PIWIL2: variants seen among roughly 807,000 people sequenced by gnomAD.
PIWIL2 encodes the protein piwi like RNA-mediated gene silencing 2, also known as piwi-like protein 2.
In PIWIL2, 81 loss-of-function variants were observed where a neutral mutation model predicts 116.5. The ratio of observed to expected loss-of-function variants is 0.70; its 90% CI spans 0.58 to 0.84. The LOEUF (loss-of-function observed/expected upper bound fraction) is 0.84, where lower values mean the gene tolerates loss of function less well. Ranked by LOEUF, PIWIL2 falls within the 40% of genes least tolerant of loss-of-function variation. The pLI is 0.00. For missense variants in PIWIL2, 1,272 were observed against 1,212.3 expected, an observed-to-expected ratio of 1.05 and a Z score of -0.73; for synonymous variants, 489 against 429.5, an observed-to-expected ratio of 1.14 and a Z score of -1.71.
chr8:22,298,261 A>T (rs1037729660), intron 10 of PIWIL2, among the ~76,000 whole-genome samples: 11 of 147,086 alleles, frequency 7.5e-5, no homozygotes, highest in East Asian at 5.9e-4. Flanking sequence ...GACCCTATTT[A>T]AAAAAAAAAA....
At position 22,316,272 on chromosome 8, in the gene PIWIL2, G is replaced by A. The variant is rs763501428; in HGVS notation, c.2236G>A (p.Val746Ile). Residue 746 changes from valine to isoleucine, a missense_variant, in exon 19 of 23, where the codon GTT becomes ATT. Val to Ile is a conservative substitution (Grantham distance 29, BLOSUM62 3). Coordinates refer to ENST00000356766, the MANE Select transcript of PIWIL2 (RefSeq NM_018068.5). ...ACAGTTAATGGTGATCGGGATGGATGTTTACCATGACCCCAGTAGAGGCAT... is the reference window on the plus strand; with the variant it reads ...ACAGTTAATGGTGATCGGGATGGATATTTACCATGACCCCAGTAGAGGCAT... ...LKQLMVIGMD[V>I]YHDPSRGMRS... is the part of the protein sequence containing the mutation. 16 of 1,613,324 alleles carry A rather than the reference G, an allele frequency of 9.9e-6. No homozygotes were observed. In the Middle Eastern group the frequency reaches 1.7e-3, roughly 166 times the overall value.
In PIWIL2 at chr8:22,290,273, A is replaced by G; in HGVS notation, c.1108A>G (p.Thr370Ala). The G allele has an allele frequency of 6.2e-7, 1 of 1,612,082 alleles. No individual in the cohort carries two copies. Among genetic ancestry groups the G allele is most frequent in the Non-Finnish European group, 8.5e-7 (1 of 1,178,288 alleles). The change falls in exon 10 of 23, where the codon ACA becomes GCA. Residue 370 changes from threonine to alanine, a missense_variant. Coordinates refer to ENST00000356766, the MANE Select transcript of PIWIL2 (RefSeq NM_018068.5). ...WPGYAASIRR[T>A]DGGLFLLADV... ...AGGCTATGCAGCTAGCATCCGAAGG[A>G]CAGATGGAGGGCTCTTCCTGCTAGC...
rs1210402483 is a variant in PIWIL2, at chr8:22,315,091, A to T, written c.2154A>T (p.Leu718Phe). The change falls in exon 18 of 23, where the codon TTA becomes TTT. Residue 718 changes from leucine (L) to phenylalanine (F), a missense_variant. Leu to Phe is a conservative substitution (Grantham distance 22, BLOSUM62 0). Transcript: ENST00000356766. Reference sequence around the variant, plus strand: ...TTCGGAGTGTGGCCCAGAAGATTTTACTTCAGATTAACTGTAAATTGGGTG... The same window carrying T: ...TTCGGAGTGTGGCCCAGAAGATTTTTCTTCAGATTAACTGTAAATTGGGTG... The part of the protein sequence containing the change: ...TRLRSVAQKI[L>F]LQINCKLGGE... 2 of 1,613,460 alleles carry T rather than the reference A, an allele frequency of 1.2e-6. No individual in the cohort carries two copies. Among genetic ancestry groups the T allele is most frequent in the African/African-American group, 2.7e-5 (2 of 74,880 alleles).
intron 1 of PIWIL2, among the ~76,000 whole-genome samples, chr8:22,278,133 A>G (rs375910564): frequency 1.3e-5 from 2 of 151,884 alleles, no homozygotes; most frequent in African/African-American, 4.8e-5. Context: ...GCACCATTGC[A>G]CTCCAGCCTT....
chr8:22,291,446 C>T (rs995211125), intron 10 of PIWIL2, among the ~76,000 whole-genome samples: 7 of 152,142 alleles, frequency 4.6e-5, no homozygotes, highest in African/African-American at 1.7e-4. Flanking sequence ...CCACCGTGCC[C>T]AGCCAGATGT....
chr8:22,349,409 A>ATG (rs375297605), intron 20 of PIWIL2, among the ~76,000 whole-genome samples: 8,194 of 137,280 alleles, frequency 0.06, 623 homozygotes, highest in African/African-American at 0.17. Context: ...TGTACAATAT[A>ATG]TGTGTGTGTG....
intron 14 of PIWIL2, 81 bp from the exon 15 acceptor site, chr8:22,309,880 A>T: frequency 1.3e-6 from 1 of 767,186 alleles, no homozygotes. Context: ...GGAGCTGAGC[A>T]GGCCTTATAG....
intron 6 of PIWIL2, among the ~76,000 whole-genome samples, chr8:22,286,623 A>T (rs946425796): frequency 2.0e-5 from 3 of 151,890 alleles, no homozygotes; most frequent in Admixed American, 6.6e-5. Flanking sequence ...AAAAAATTTT[A>T]TTTATTTATT....
At chr8:22,309,654 T>G (rs1250060230) in intron 14 of PIWIL2, among the ~76,000 whole-genome samples, 1 of 152,258 alleles carries the variant, frequency 6.6e-6, no homozygotes, top group Non-Finnish European at 1.5e-5. Flanking sequence ...AAAATATTTT[T>G]TGAAGATTGT....
chr8:22,311,428 A>G (rs901603598), intron 16 of PIWIL2, 128 bp downstream of exon 16: 1 of 700,434 alleles, frequency 1.4e-6, no homozygotes, highest in South Asian at 2.2e-5. Context: ...CCATGCGCAC[A>G]TGAAATACTG....
At chr8:22,286,431 T>G (rs569849210) in intron 6 of PIWIL2, among the ~76,000 whole-genome samples, 14 of 152,096 alleles carry the variant, frequency 9.2e-5, no homozygotes, top group African/African-American at 3.4e-4. Flanking sequence ...GCCAGAAAAG[T>G]GGGGGAAATT....
chr8:22,314,212 CCT>C (rs1357056735), intron 16 of PIWIL2, 114 bp from the exon 17 acceptor site: 3 of 462,652 alleles, frequency 6.5e-6, no homozygotes, highest in Non-Finnish European at 1.2e-5. Context: ...ATTTCAGTTC[CCT>C]GTCTTCCTTA....
intron 10 of PIWIL2, among the ~76,000 whole-genome samples, chr8:22,291,421 G>A (rs1337814781): frequency 3.3e-5 from 5 of 152,088 alleles, no homozygotes; most frequent in Admixed American, 3.3e-4. Flanking sequence ...AAAGTGCTGG[G>A]ATTACAGGCA....
chr8:22,340,472 A>G (rs922090062), intron 20 of PIWIL2, among the ~76,000 whole-genome samples: 20 of 152,110 alleles, frequency 1.3e-4, no homozygotes, highest in African/African-American at 4.8e-4. Context: ...TTGTAGATGT[A>G]ATCAAATTAA....
At chr8:22,296,489 T>G (rs1830910888) in intron 10 of PIWIL2, among the ~76,000 whole-genome samples, 1 of 152,264 alleles carries the variant, frequency 6.6e-6, no homozygotes, top group Non-Finnish European at 1.5e-5. Context: ...TTTTCAGACC[T>G]TACATGTTTG....
rs1332027234 is a variant in PIWIL2 at position 22,306,008 on chromosome 8, G to A, written c.1537G>A (p.Ala513Thr). ...AGAGAAGATGAAGAAGGACTTCAGAGCCATGAAGGTTGGAGTCCTGTGTTT... is the reference window on the plus strand; with the variant it reads ...AGAGAAGATGAAGAAGGACTTCAGAACCATGAAGGTTGGAGTCCTGTGTTT... ...IPEKMKKDFR[A>T]MKDLAQQINL... The change falls in exon 13 of 23, where the codon GCC becomes ACC. Residue 513 changes from alanine (A) to threonine (T), a missense_variant. Ala to Thr is a moderately conservative substitution (Grantham distance 58, BLOSUM62 0). Transcript: ENST00000356766. 11 of 1,612,008 alleles carry A rather than the reference G, an allele frequency of 6.8e-6. No homozygotes were observed. In the East Asian group the frequency reaches 2.5e-4, roughly 36 times the overall value.
intron 20 of PIWIL2, among the ~76,000 whole-genome samples, chr8:22,340,045 ATTTT>A (rs10626386): frequency 5.3e-5 from 5 of 93,770 alleles, no homozygotes; most frequent in Non-Finnish European, 9.7e-5. Flanking sequence ...TATAAAAAGA[ATTTT>A]TTTTTTTTTT....
Position 22,355,650 on chromosome 8 carries a change from G to C in PIWIL2, c.*145G>C, listed in dbSNP as rs1156446519. 7 of 744,242 alleles carry C rather than the reference G, an allele frequency of 9.4e-6. No homozygotes were observed. The highest frequency in any genetic ancestry group is 1.5e-5 in the Non-Finnish European group (7 of 468,356). 46.1% of individuals were successfully genotyped at this position (744,242 alleles called of 1,614,324 possible). On this transcript the variant is annotated 3_prime_UTR_variant, in exon 23 of 23. Coordinates refer to ENST00000356766, the MANE Select transcript of PIWIL2 (RefSeq NM_018068.5). Reference sequence around the variant, plus strand: ...CCCTGTAGAATAAGATTTCTTTCTTGTCTTTTAAACCTAATATCACCAAGA... The same window carrying C: ...CCCTGTAGAATAAGATTTCTTTCTTCTCTTTTAAACCTAATATCACCAAGA...
intron 16 of PIWIL2, among the ~76,000 whole-genome samples, chr8:22,311,988 G>A (rs896067566): frequency 7.9e-5 from 12 of 152,114 alleles, no homozygotes; most frequent in South Asian, 2.1e-4. Flanking sequence ...TCAGCTGGGC[G>A]CACAGTGGCT....
Sources: allele counts gnomAD v4.1 joint callset (sites outside exome capture counted in the v4.1 genomes callset), GRCh38; gene constraint gnomAD v4.1.1; transcripts MANE v1.5; gene names NCBI Gene and HGNC (gene_info 2026-07-23, HGNC 2026-07-21).